Variants in GRK5 observed in about 807,000 individuals in gnomAD.
GRK5 encodes the protein G protein-coupled receptor kinase 5, also known as g protein-coupled receptor kinase GRK5.
A neutral mutation model predicts 78.4 loss-of-function variants in GRK5; 40 were observed. That is an observed-to-expected ratio of 0.51 (90% confidence interval 0.40 to 0.66). GRK5 has a LOEUF of 0.66. GRK5 is among the 30% of genes least tolerant of loss of function. GRK5 has a pLI of 0.00. For missense variants in GRK5, 598 were observed against 759.9 expected, an observed-to-expected ratio of 0.79 and a Z score of 2.50; for synonymous variants, 289 against 296.8, an observed-to-expected ratio of 0.97 and a Z score of 0.27.
chr10:119,455,196 C>T lies in GRK5; in HGVS notation c.*129C>T. 1 of 781,074 alleles carries T rather than the reference C, an allele frequency of 1.3e-6. No homozygotes were observed. Among genetic ancestry groups the T allele is most frequent in the Non-Finnish European group, 2.2e-6 (1 of 447,636 alleles). 48.4% of individuals were successfully genotyped at this position (781,074 alleles called of 1,614,324 possible). On this transcript the variant is annotated 3_prime_UTR_variant, in exon 16 of 16. Transcript: ENST00000392870. ...CCCGGGAGCCGGGGAAGGAGGCCGT[C>T]CATCCCGTCGACGTAGAACCTCGAG...
At chr10:119,411,630 C>T (rs1421684827) in intron 4 of GRK5, among the ~76,000 whole-genome samples, 1 of 152,060 alleles carries the variant, frequency 6.6e-6, no homozygotes, top group Non-Finnish European at 1.5e-5. Flanking sequence ...GAAAAGAAAT[C>T]ACAACAAATT....
chr10:119,380,853 G>A lies in GRK5; in HGVS notation c.187G>A (p.Gly63Arg), dbSNP rs1851698771. The change falls in exon 3 of 16, where the codon GGG becomes AGG. Residue 63 changes from glycine to arginine, a missense_variant. Coordinates refer to ENST00000392870, the MANE Select transcript of GRK5 (RefSeq NM_005308.3). ...YCSLCDKQPI[G>R]RLLFRQFCET... ...CAGTTTATGTGACAAGCAGCCAATC[G>A]GGAGGCTGCTTTTCCGGCAGTTTTG... 5 of 1,613,202 alleles carry A rather than the reference G, an allele frequency of 3.1e-6. No individual in the cohort carries two copies. The highest frequency in any genetic ancestry group is 2.2e-5 in the East Asian group (1 of 44,862).
At chr10:119,427,784 T>TCATCAGCATCACCACCATCAACAG (rs1411526711) in intron 6 of GRK5, among the ~76,000 whole-genome samples, 3 of 151,462 alleles carry the variant, frequency 2.0e-5, no homozygotes, top group Non-Finnish European at 4.4e-5. Flanking sequence ...ATCACCACCA[T>TCATCAGCATCACCACCATCAACAG]CATCAGCATC....
At chr10:119,360,727 G>A (rs145924250) in intron 2 of GRK5, among the ~76,000 whole-genome samples, 164 of 152,268 alleles carry the variant, frequency 1.1e-3, no homozygotes, top group African/African-American at 3.7e-3. Flanking sequence ...GGAGAAGATG[G>A]TCTGTCCGTC....
At chr10:119,389,801 AAC>A (rs66652162) in intron 3 of GRK5, among the ~76,000 whole-genome samples, 8,240 of 149,650 alleles carry the variant, frequency 0.055, 335 homozygotes, top group East Asian at 0.2. Context: ...GATCATGAGC[AAC>A]ACACACACAC....
At chr10:119,231,243 A>G (rs1323569513) in intron 1 of GRK5, among the ~76,000 whole-genome samples, 1 of 152,196 alleles carries the variant, frequency 6.6e-6, no homozygotes, top group East Asian at 1.9e-4. Flanking sequence ...CATTCCTATT[A>G]AAAAATGGGC....
At chr10:119,407,390 C>G (rs917907638) in intron 4 of GRK5, among the ~76,000 whole-genome samples, 1 of 152,192 alleles carries the variant, frequency 6.6e-6, no homozygotes, top group Non-Finnish European at 1.5e-5. Context: ...TTTTCCTTCT[C>G]CCACTGGGGA....
At chr10:119,351,835 C>T (rs927361782) in intron 2 of GRK5, among the ~76,000 whole-genome samples, 24 of 152,170 alleles carry the variant, frequency 1.6e-4, no homozygotes, top group African/African-American at 5.3e-4. Flanking sequence ...CTGATAAAAG[C>T]TCATAAAGTT....
Position 119,448,372 on chromosome 10 carries a change from G to A in GRK5, c.1404+112G>A, listed in dbSNP as rs566848708. The stretch of plus-strand genomic sequence containing the variant: ...AGAGTGTGGGGCACATCGTGTCTTT[G>A]TGGGGACCAGGGTCCCCTCCCGGCC... On this transcript the variant is annotated intron_variant, in intron 13 of 15. Coordinates refer to ENST00000392870, the MANE Select transcript of GRK5 (RefSeq NM_005308.3). 7 of 1,228,778 alleles carry A rather than the reference G, an allele frequency of 5.7e-6. No individual in the cohort carries two copies. The South Asian group carries it at 7.8e-5, about 14-fold the overall frequency. 76.1% of individuals were successfully genotyped at this position (1,228,778 alleles called of 1,614,324 possible).
chr10:119,418,492 G>A (rs995245524), intron 4 of GRK5, among the ~76,000 whole-genome samples: 32 of 152,220 alleles, frequency 2.1e-4, no homozygotes, highest in African/African-American at 5.1e-4. Context: ...TCCCCAGGGC[G>A]TATCTTGGTG....
intron 1 of GRK5, among the ~76,000 whole-genome samples, chr10:119,210,088 C>G (rs538125727): frequency 1.1e-3 from 170 of 152,212 alleles, no homozygotes; most frequent in Non-Finnish European, 2.2e-3. Context: ...GAGTGACCGA[C>G]TCCCATTGGG....
chr10:119,442,161 G>A (rs1853050894), intron 11 of GRK5, 73 bp downstream of exon 11: 1 of 1,225,292 alleles, frequency 8.2e-7, no homozygotes, highest in Non-Finnish European at 1.2e-6. Context: ...AGCCCCCAGA[G>A]CCTGCCCGCA....
rs766496004 is a variant in GRK5, at chr10:119,439,698, C to T, written c.930-33C>T. The T allele has an allele frequency of 2.5e-6, 4 of 1,612,368 alleles. No individual in the cohort carries two copies. The East Asian group carries it at 8.9e-5, about 36-fold the overall frequency. ...AGTGTATCCTACCTGCCCAGAATGC[C>T]CACACTCTGATGCTTGTTGTTTTTC... On this transcript the variant is annotated intron_variant, in intron 9 of 15. Transcript: ENST00000392870.
chr10:119,241,581 T>C (rs1312701119), intron 1 of GRK5, among the ~76,000 whole-genome samples: 1 of 152,172 alleles, frequency 6.6e-6, no homozygotes, highest in African/African-American at 2.4e-5. Flanking sequence ...AAAATTGGCA[T>C]AGTGGTGGGC....
chr10:119,321,516 C>T (rs987686153), intron 1 of GRK5, among the ~76,000 whole-genome samples: 2 of 152,204 alleles, frequency 1.3e-5, no homozygotes, highest in African/African-American at 4.8e-5. Context: ...GCTGGTGAGT[C>T]TTCGTCACAT....
rs1051043693 is a variant in GRK5, at chr10:119,253,877, CAT to C, written c.52+45909_52+45910del. Among the ~76,000 whole-genome samples the C allele has an allele frequency of 1.0e-3, 152 of 150,762 alleles. No individual in the cohort carries two copies. Among genetic ancestry groups the C allele is most frequent in the African/African-American group, 3.4e-3 (139 of 40,974 alleles). Reference sequence around the variant, plus strand: ...GTGTGTGTGTGTGTGTGTGTGTACACATGTGTGTGCGTGCATGCTTTTTCATG... The same window carrying C: ...GTGTGTGTGTGTGTGTGTGTGTACACGTGTGTGCGTGCATGCTTTTTCATG... On this transcript the variant is annotated intron_variant, in intron 1 of 15. Transcript: ENST00000392870. This position sits in a 1 kb window ranked among gnomAD's most constrained non-coding sequence, Gnocchi z 5.7.
In GRK5 at chr10:119,448,242, C is replaced by A. The variant is rs758748977; in HGVS notation, c.1386C>A (p.Asp462Glu). The A allele has an allele frequency of 6.3e-7, 1 of 1,596,442 alleles. No homozygotes were observed. Among genetic ancestry groups the A allele is most frequent in the South Asian group, 1.1e-5 (1 of 88,472 alleles). ...NFKRLEAGML[D>E]PPFVPDPRAV... ...AGCGCTTAGAAGCCGGGATGTTGGA[C>A]CCTCCCTTCGTTCCAGACGTGAGTA... The change falls in exon 13 of 16, where the codon GAC becomes GAA. Residue 462 changes from aspartate to glutamate, a missense_variant. Physicochemically the swap from Asp to Glu is conservative, Grantham distance 45 (BLOSUM62 2). Transcript: ENST00000392870.
At chr10:119,420,117 T>G (rs544426913) in intron 4 of GRK5, among the ~76,000 whole-genome samples, 2 of 152,286 alleles carry the variant, frequency 1.3e-5, no homozygotes, top group African/African-American at 4.8e-5. Context: ...TTGCTTAACC[T>G]TTCTGGACCT....
intron 1 of GRK5, among the ~76,000 whole-genome samples, chr10:119,221,235 C>G (rs573038482): frequency 2.6e-5 from 4 of 152,278 alleles, no homozygotes; most frequent in Admixed American, 6.5e-5. Context: ...AATCCCACCA[C>G]TCAGAAATAA....
Sources: gnomAD v4.1 joint callset for allele counts (sites outside exome capture counted in the v4.1 genomes callset) on GRCh38, gnomAD v4.1.1 for gene constraint, Gnocchi (gnomAD v3.1) non-coding constraint, MANE v1.5 for transcripts, NCBI Gene and HGNC (gene_info 2026-07-23, HGNC 2026-07-21) for gene names.